CFAP69: variants seen among roughly 807,000 people sequenced by gnomAD.
CFAP69 encodes cilia- and flagella-associated protein 69.
Under a neutral mutation model 123.0 loss-of-function variants are expected in CFAP69, and 92 were observed. The ratio of observed to expected loss-of-function variants is 0.75; its 90% CI spans 0.63 to 0.89. The LOEUF (loss-of-function observed/expected upper bound fraction) is 0.89, where lower values mean the gene tolerates loss of function less well. Ranked by LOEUF, CFAP69 falls within the 40% of genes least tolerant of loss-of-function variation. CFAP69 has a pLI of 0.00. For missense variants in CFAP69, 1,067 were observed against 1,096.9 expected (o/e 0.97, Z 0.39); for synonymous variants, 380 against 364.3 (o/e 1.04, Z -0.49).
intron 13 of CFAP69, among the ~76,000 whole-genome samples, chr7:90,285,401 G>A (rs1422663113): frequency 6.6e-6 from 1 of 151,944 alleles, no homozygotes; most frequent in Non-Finnish European, 1.5e-5. Flanking sequence ...CCCTTTAACC[G>A]AGAAAAAGTC....
At chr7:90,261,062 T>C (rs1395249338) in intron 3 of CFAP69, among the ~76,000 whole-genome samples, 6 of 151,202 alleles carry the variant, frequency 4.0e-5, no homozygotes, top group Admixed American at 2.0e-4. Flanking sequence ...ATCAATGAAA[T>C]GTGTTTATGT....
chr7:90,321,014 G>A, the CFAP69 span: 1 of 152,174 alleles, frequency 6.6e-6, no homozygotes, highest in South Asian at 2.1e-4. Flanking sequence ...GGTGCGCTAC[G>A]CTCGTTGGGA....
Position 90,309,152 on chromosome 7 carries a change from TA to T in CFAP69, c.2551-108del, listed in dbSNP as rs1584564639. 5.7e-6 allele frequency: 3 copies of T among 524,572 alleles called. No homozygotes were observed. The East Asian group carries it at 9.5e-5, about 17-fold the overall frequency. 32.5% of individuals were successfully genotyped at this position (524,572 alleles called of 1,614,324 possible). A position where few individuals can be genotyped will look rare whatever the true frequency, so the allele number is the denominator to read the frequency against. ...AAATGCAGATTTCAGCGCTATCTAA[TA>T]AACAACCAAAGCATAAGCCAGACAC... On this transcript the variant is annotated intron_variant, in intron 21 of 22. Transcript: ENST00000389297.
rs11563911 is a variant in CFAP69 at position 90,283,192 on chromosome 7, C to T, written c.1537+136C>T. 8.2e-4 allele frequency: 520 copies of T among 632,698 alleles called. 3 individuals are homozygous for T. The African/African-American group carries it at 9.1e-3, about 11-fold the overall frequency. The allele number at this position is 632,698 out of a possible 1,614,324, so 39.2% of individuals were successfully genotyped here. A position where few individuals can be genotyped will look rare whatever the true frequency, so the allele number is the denominator to read the frequency against. On this transcript the variant is annotated intron_variant, in intron 13 of 22. Transcript: ENST00000389297. ...CTGAATATTTTCTTGATTTTTGTTT[C>T]ATATTGCTGCTATAAATTAGTGTGT... is the stretch of plus-strand genomic sequence containing the variant.
chr7:90,303,848 T>A (rs964887322), intron 17 of CFAP69, 121 bp from the exon 18 acceptor site: 109 of 1,286,364 alleles, frequency 8.5e-5, no homozygotes, highest in Non-Finnish European at 1.0e-4. Flanking sequence ...ATAGGCACTA[T>A]TTTTTTGCTA....
chr7:90,323,348 A>G, the CFAP69 span, among the ~76,000 whole-genome samples: 1 of 152,216 alleles, frequency 6.6e-6, no homozygotes, highest in Non-Finnish European at 1.5e-5. Flanking sequence ...GCAAAGCATA[A>G]AGAATCAGAA....
At chr7:90,247,131 G>A (rs897341640) in intron 1 of CFAP69, among the ~76,000 whole-genome samples, 22 of 152,154 alleles carry the variant, frequency 1.4e-4, no homozygotes, top group African/African-American at 5.1e-4. Flanking sequence ...TTATAGCTGG[G>A]AGAAATCTTA....
chr7:90,304,081 A>T lies in CFAP69; in HGVS notation c.2163A>T (p.Lys721Asn). The T allele has an allele frequency of 6.4e-7, 1 of 1,550,590 alleles. No individual in the cohort carries two copies. The highest frequency in any genetic ancestry group is 8.7e-7 in the Non-Finnish European group (1 of 1,146,388). Residue 721 changes from lysine (K) to asparagine (N), a missense_variant, in exon 18 of 23, where the codon AAA becomes AAT. Transcript: ENST00000389297. Reference protein sequence around the residue: ...VMDVSENIRAKIYAILGKLDF... With the variant: ...VMDVSENIRANIYAILGKLDF... Reference sequence around the variant, plus strand: ...ATGTTTCTGAGAATATTAGAGCAAAAATTTATGCTATATTGGGCAAACTAG... The same window carrying T: ...ATGTTTCTGAGAATATTAGAGCAAATATTTATGCTATATTGGGCAAACTAG...
intron 22 of CFAP69, among the ~76,000 whole-genome samples, chr7:90,309,666 T>C (rs965466555): frequency 7.2e-5 from 11 of 152,194 alleles, no homozygotes; most frequent in Non-Finnish European, 1.0e-4. Context: ...TTATCTCCAA[T>C]GTATATCCAC....
At chr7:90,261,634 C>A (rs1313512717) in intron 3 of CFAP69, among the ~76,000 whole-genome samples, 1 of 152,204 alleles carries the variant, frequency 6.6e-6, no homozygotes, top group South Asian at 2.1e-4. Flanking sequence ...TTTCAATGTG[C>A]TATTACTCAT....
At chr7:90,246,552 A>G (rs1321912842) in intron 1 of CFAP69, among the ~76,000 whole-genome samples, 2 of 152,254 alleles carry the variant, frequency 1.3e-5, no homozygotes, top group African/African-American at 4.8e-5. Flanking sequence ...CCTGCGGAGC[A>G]ACAGCATTTT....
intron 19 of CFAP69, among the ~76,000 whole-genome samples, chr7:90,305,271 G>A: frequency 6.6e-6 from 1 of 151,202 alleles, no homozygotes; most frequent in Non-Finnish European, 1.5e-5. Context: ...AACCTGGAAG[G>A]TGGAGCTTGC....
intron 1 of CFAP69, among the ~76,000 whole-genome samples, chr7:90,246,248 G>T (rs1486008668): frequency 6.6e-6 from 1 of 152,166 alleles, no homozygotes; most frequent in Non-Finnish European, 1.5e-5. Context: ...TCTATTCGAG[G>T]CGGAGGTGTT....
At position 90,283,072 on chromosome 7, in the gene CFAP69, G is replaced by A. The variant is rs752560190; in HGVS notation, c.1537+16G>A. On this transcript the variant is annotated intron_variant, in intron 13 of 22. Transcript: ENST00000389297. ...CAAATGATAGGTAAAATATAACATG[G>A]TGGTTTACTGATGAAAGAGGAATAT... 5 of 1,469,120 alleles carry A rather than the reference G, an allele frequency of 3.4e-6. No homozygotes were observed. The highest frequency in any genetic ancestry group is 4.5e-6 in the Non-Finnish European group (5 of 1,105,974). 91.0% of individuals were successfully genotyped at this position (1,469,120 alleles called of 1,614,324 possible). A position where few individuals can be genotyped will look rare whatever the true frequency, so the allele number is the denominator to read the frequency against.
chr7:90,295,399 A>G (rs899833641), intron 15 of CFAP69, among the ~76,000 whole-genome samples: 4 of 152,146 alleles, frequency 2.6e-5, no homozygotes, highest in Admixed American at 6.6e-5. Context: ...ACCCAATGCC[A>G]TCCTTCAGCC....
chr7:90,275,683 G>A (rs1788502974), intron 9 of CFAP69, among the ~76,000 whole-genome samples: 1 of 122,604 alleles, frequency 8.2e-6, no homozygotes, highest in South Asian at 2.8e-4. Context: ...CTCACTGCAA[G>A]CTCCGCCTCC....
intron 4 of CFAP69, among the ~76,000 whole-genome samples, chr7:90,264,301 G>T (rs190869592): frequency 6.6e-6 from 1 of 151,324 alleles, no homozygotes; most frequent in African/African-American, 2.4e-5. Flanking sequence ...AGGTTTATGT[G>T]CTGGATCTTT....
At position 90,282,907 on chromosome 7, in the gene CFAP69, A is replaced by C. The variant is rs1161901935; in HGVS notation, c.1388A>C (p.His463Pro). The change falls in exon 13 of 23, where the codon CAT becomes CCT. Residue 463 changes from histidine (H) to proline (P), a missense_variant. Coordinates refer to ENST00000389297, the MANE Select transcript of CFAP69 (RefSeq NM_001039706.3). ...TTCTCCACAGATCCGTTTTTCAGTCATGGTAACAGTTTTCATGGTACAGGT... is the reference window on the plus strand; with the variant it reads ...TTCTCCACAGATCCGTTTTTCAGTCCTGGTAACAGTTTTCATGGTACAGGT... ...WCESEDPFFS[H>P]GNSFHGTGGR... 12 of 1,502,180 alleles carry C rather than the reference A, an allele frequency of 8.0e-6. No individual in the cohort carries two copies. Among genetic ancestry groups the C allele is most frequent in the Non-Finnish European group, 1.1e-5 (12 of 1,127,888 alleles). The allele number at this position is 1,502,180 out of a possible 1,614,324, so 93.1% of individuals were successfully genotyped here.
At chr7:90,264,091 GAAA>G (rs1165222104) in intron 4 of CFAP69, among the ~76,000 whole-genome samples, 16 of 17,986 alleles carry the variant, frequency 8.9e-4, no homozygotes, top group South Asian at 7.5e-3. Context: ...ACTCCATCTC[GAAA>G]AAAAAAAAAA....
Sources: allele counts gnomAD v4.1 joint callset (sites outside exome capture counted in the v4.1 genomes callset), GRCh38; gene constraint gnomAD v4.1.1; transcripts MANE v1.5; gene names NCBI Gene and HGNC (gene_info 2026-07-23, HGNC 2026-07-21).